The following KPNA1 variants were observed in gnomAD, a reference collection of about 807,000 sequenced individuals.
KPNA1 encodes the protein karyopherin subunit alpha 1, also known as importin subunit alpha-5.
Under a neutral mutation model 70.5 loss-of-function variants are expected in KPNA1, and 10 were observed. The observed-to-expected ratio is 0.14, with a 90% confidence interval of 0.09 to 0.24. KPNA1 has a LOEUF of 0.24. Among genes scored for constraint, KPNA1 ranks in the 10% least tolerant of loss-of-function variants. The pLI is 1.00. For missense variants in KPNA1, 397 were observed against 637.9 expected (o/e 0.62, Z 4.07); for synonymous variants, 192 against 221.9 (o/e 0.87, Z 1.20).
At chr3:122,451,245 A>G (rs1184294395) in intron 8 of KPNA1, among the ~76,000 whole-genome samples, 1 of 152,192 alleles carries the variant, frequency 6.6e-6, no homozygotes, top group African/African-American at 2.4e-5. Flanking sequence ...TAAACAGTAT[A>G]CTAATTGTAT....
chr3:122,485,676 C>T (rs2076621210), intron 2 of KPNA1, among the ~76,000 whole-genome samples: 1 of 151,826 alleles, frequency 6.6e-6, no homozygotes, highest in Admixed American at 6.6e-5. Flanking sequence ...AAAGTAGATA[C>T]ACAGCAAATA....
rs1211586847 is a variant in KPNA1 at position 122,496,346 on chromosome 3, A to ACACACACACACC, written c.129+90_129+91insGGTGTGTGTGTG. The ACACACACACACC allele has an allele frequency of 2.4e-4, 282 of 1,180,352 alleles. 1 individual carries two copies. The African/African-American group carries it at 3.9e-3, about 16-fold the overall frequency. The allele number at this position is 1,180,352 out of a possible 1,614,324, so 73.1% of individuals were successfully genotyped here. A position where few individuals can be genotyped will look rare whatever the true frequency, so the allele number is the denominator to read the frequency against. On this transcript the variant is annotated intron_variant, in intron 2 of 13. Transcript: ENST00000344337. ...CACACACACACACACACACACACACACACCCCAACTTTGCTAAAATGAAGA... is the reference window on the plus strand; with the variant it reads ...CACACACACACACACACACACACACACACACACACACCCACCCCAACTTTGCTAAAATGAAGA...
intron 2 of KPNA1, among the ~76,000 whole-genome samples, chr3:122,480,196 T>A (rs2076554614): frequency 6.6e-6 from 1 of 152,122 alleles, no homozygotes; most frequent in Admixed American, 6.5e-5. Context: ...AGCACAGAAT[T>A]TTAGCACAGG....
rs1274681317 is a variant in KPNA1 at position 122,427,622 on chromosome 3, T to G, written c.1345A>C (p.Asn449His). 4 of 1,614,074 alleles carry G rather than the reference T, an allele frequency of 2.5e-6. No individual in the cohort carries two copies. In the African/African-American group the frequency reaches 5.3e-5, roughly 22 times the overall value. ...TCCTGTTCTCCAAGCCTCAGGATAT[T>G]TTCCAAGCCATTTAGGGCAACCTGT... ...IVQVALNGLE[N>H]ILRLGEQEAK... is the part of the protein sequence containing the mutation. The change falls in exon 13 of 14, where the codon AAT becomes CAT. Residue 449 changes from asparagine (N) to histidine (H), a missense_variant. By Grantham distance (68) the Asn-to-His change is moderately conservative. Transcript: ENST00000344337.
chr3:122,497,290 T>A (rs2076775258), intron 1 of KPNA1, among the ~76,000 whole-genome samples: 1 of 152,212 alleles, frequency 6.6e-6, no homozygotes, highest in Non-Finnish European at 1.5e-5. Context: ...CTGAATAATA[T>A]TCCATTCTAT....
intron 2 of KPNA1, among the ~76,000 whole-genome samples, chr3:122,475,405 G>GT (rs1255698558): frequency 6.6e-6 from 1 of 152,164 alleles, no homozygotes; most frequent in Non-Finnish European, 1.5e-5. Context: ...TAGAAGAACA[G>GT]TATTAACATG....
chr3:122,454,133 C>T, intron 5 of KPNA1, 132 bp from the exon 6 acceptor site: 1 of 538,000 alleles, frequency 1.9e-6, no homozygotes, highest in Non-Finnish European at 3.1e-6. Context: ...CAGTTGAGTA[C>T]TATATTAATT....
At chr3:122,435,333 A>C (rs1181011598) in intron 11 of KPNA1, among the ~76,000 whole-genome samples, 1 of 152,108 alleles carries the variant, frequency 6.6e-6, no homozygotes, top group East Asian at 1.9e-4. Context: ...CCCAGGCTGA[A>C]CACTTTGGCC....
intron 4 of KPNA1, among the ~76,000 whole-genome samples, chr3:122,461,690 C>G (rs1437476783): frequency 6.6e-6 from 1 of 152,188 alleles, no homozygotes; most frequent in Non-Finnish European, 1.5e-5. Context: ...TCTAACTGCT[C>G]TTGTCTGTTG....
intron 2 of KPNA1, among the ~76,000 whole-genome samples, chr3:122,489,995 T>A (rs1364514029): frequency 6.6e-6 from 1 of 152,240 alleles, no homozygotes; most frequent in Non-Finnish European, 1.5e-5. Flanking sequence ...TATGAGTTTC[T>A]CCAGTCCAGC....
chr3:122,476,075 T>A (rs1001566626), intron 2 of KPNA1, among the ~76,000 whole-genome samples: 1 of 152,198 alleles, frequency 6.6e-6, no homozygotes, highest in African/African-American at 2.4e-5. Context: ...AGCAAGGTCT[T>A]GGCATGAAAA....
chr3:122,488,740 T>A (rs773654213), intron 2 of KPNA1, among the ~76,000 whole-genome samples: 12 of 152,208 alleles, frequency 7.9e-5, no homozygotes, highest in Admixed American at 3.3e-4. Context: ...AGAACTGTGA[T>A]GTCATCCTTA....
intron 12 of KPNA1, among the ~76,000 whole-genome samples, chr3:122,430,997 C>T (rs2075897784): frequency 6.6e-6 from 1 of 152,146 alleles, no homozygotes; most frequent in East Asian, 1.9e-4. Flanking sequence ...TGCTATTCTC[C>T]CCTCCAAAAC....
At position 122,496,582 on chromosome 3, in the gene KPNA1, G is replaced by C. The variant is rs2076764022; in HGVS notation, c.-5-12C>G. The C allele has an allele frequency of 7.4e-6, 12 of 1,611,566 alleles. No homozygotes were observed. Among genetic ancestry groups the C allele is most frequent in the South Asian group, 2.2e-5 (2 of 90,910 alleles). Reference sequence around the variant, plus strand: ...GGTGGTCATGATTTCTACAATACAAGTGGGGAGAGAACAAATGAGTTTACT... The same window carrying C: ...GGTGGTCATGATTTCTACAATACAACTGGGGAGAGAACAAATGAGTTTACT... On this transcript the variant is annotated splice_polypyrimidine_tract_variant and intron_variant, in intron 1 of 13. Transcript: ENST00000344337.
At chr3:122,480,170 A>G (rs1346712925) in intron 2 of KPNA1, among the ~76,000 whole-genome samples, 4 of 152,210 alleles carry the variant, frequency 2.6e-5, no homozygotes, top group African/African-American at 7.2e-5. Flanking sequence ...TGGGGAAAGG[A>G]GGGACAAATA....
Position 122,437,312 on chromosome 3 carries a change from GAAAATTTTACT to G in KPNA1, c.997-28_997-18del. ...CAGAATTACCTAAAAGAAAAAGTTT[GAAAATTTTACT>G]TATTGTATTGTTCTAAATATCAATG... On this transcript the variant is annotated intron_variant, in intron 10 of 13. Transcript: ENST00000344337. 6.4e-7 allele frequency: 1 copy of G among 1,574,600 alleles called. No homozygotes were observed. The highest frequency in any genetic ancestry group is 1.4e-5 in the African/African-American group (1 of 73,358).
intron 1 of KPNA1, among the ~76,000 whole-genome samples, chr3:122,509,310 C>G (rs2076929098): frequency 6.6e-6 from 1 of 151,988 alleles, no homozygotes; most frequent in Non-Finnish European, 1.5e-5. Flanking sequence ...AAAGAACTCT[C>G]AAGCACTCAA....
At chr3:122,435,579 A>G (rs1454325260) in intron 11 of KPNA1, among the ~76,000 whole-genome samples, 1 of 152,242 alleles carries the variant, frequency 6.6e-6, no homozygotes, top group Non-Finnish European at 1.5e-5. Context: ...GCAAGAAGTC[A>G]GGGACCCTGA....
At chr3:122,503,215 G>A (rs1251721192) in intron 1 of KPNA1, among the ~76,000 whole-genome samples, 2 of 152,032 alleles carry the variant, frequency 1.3e-5, no homozygotes, top group African/African-American at 2.4e-5. Context: ...ATGTGGAGTT[G>A]TAAGGGTAAG....
Sources: gnomAD v4.1 joint callset for allele counts (sites outside exome capture counted in the v4.1 genomes callset) on GRCh38, gnomAD v4.1.1 for gene constraint, MANE v1.5 for transcripts, NCBI Gene and HGNC (gene_info 2026-07-23, HGNC 2026-07-21) for gene names.